The following FCHO2 variants were observed in gnomAD, a reference collection of about 807,000 sequenced individuals.
FCHO2 encodes the protein FCH and mu domain containing endocytic adaptor 2, also known as F-BAR domain only protein 2.
FCHO2 carries 43 observed loss-of-function variants against 114.1 expected under a neutral mutation model. The ratio of observed to expected loss-of-function variants is 0.38; its 90% CI spans 0.30 to 0.49. The LOEUF is 0.49. Ranked by LOEUF, FCHO2 falls within the 20% of genes least tolerant of loss-of-function variation. The pLI is 0.97. For synonymous variants in FCHO2, 293 were observed against 315.2 expected (o/e 0.93, Z 0.75); for missense variants, 807 against 950.4 (o/e 0.85, Z 1.98).
chr5:72,968,784 A>G (rs2112604049), intron 2 of FCHO2, among the ~76,000 whole-genome samples, 195 bp downstream of exon 2: 1 of 152,300 alleles, frequency 6.6e-6, no homozygotes, highest in East Asian at 1.9e-4. Flanking sequence ...AAGTGGCTCA[A>G]AGTTTAATAC....
intron 8 of FCHO2, chr5:73,020,719 A>G: frequency 8.3e-7 from 1 of 1,201,658 alleles, no homozygotes. Flanking sequence ...TTGGATGCTC[A>G]TTTTCTGTTC....
At chr5:73,028,667 T>TG in intron 8 of FCHO2, among the ~76,000 whole-genome samples, 1 of 129,382 alleles carries the variant, frequency 7.7e-6, no homozygotes, top group African/African-American at 3.0e-5. Flanking sequence ...TTTTTTTTTT[T>TG]GTGACAAGAG....
At chr5:73,075,005 GGTA>G (rs1312757658) in intron 20 of FCHO2, among the ~76,000 whole-genome samples, 152 bp downstream of exon 20, 5 of 152,022 alleles carry the variant, frequency 3.3e-5, no homozygotes, top group African/African-American at 1.2e-4. Flanking sequence ...TGCTATCTAA[GGTA>G]GTCATTTGAT....
intron 6 of FCHO2, among the ~76,000 whole-genome samples, chr5:73,007,992 GA>G (rs1393249659): frequency 6.6e-6 from 1 of 152,156 alleles, no homozygotes; most frequent in African/African-American, 2.4e-5. Flanking sequence ...TGAAGGCCCA[GA>G]GGGTATAAAA....
Position 73,038,733 on chromosome 5 carries a change from A to T in FCHO2, c.914+1518A>T, listed in dbSNP as rs142862845. On this transcript the variant is annotated intron_variant, in intron 10 of 25. Transcript: ENST00000430046. ...ATCAAGACCAATTGCAAAGTCATCT[A>T]TATCTATAGTTATCAAATCTTCTGC... is the stretch of plus-strand genomic sequence containing the variant. 1.3e-5 allele frequency among the ~76,000 whole-genome samples: 2 copies of T among 152,190 alleles called. 1 individual carries two copies. Among genetic ancestry groups the T allele is most frequent in the South Asian group, 4.1e-4 (2 of 4,836 alleles).
intron 10 of FCHO2, among the ~76,000 whole-genome samples, chr5:73,040,978 G>A: frequency 6.6e-6 from 1 of 151,948 alleles, no homozygotes; most frequent in Non-Finnish European, 1.5e-5. Context: ...GTATATTCAT[G>A]GAAAAGAATT....
At chr5:72,980,192 T>C (rs1041812258) in intron 2 of FCHO2, among the ~76,000 whole-genome samples, 6 of 152,206 alleles carry the variant, frequency 3.9e-5, no homozygotes, top group Non-Finnish European at 8.8e-5. Context: ...TCTGCCTTCA[T>C]TTCGTTATGT....
chr5:72,977,285 C>A (rs1752941631), intron 2 of FCHO2, among the ~76,000 whole-genome samples: 1 of 152,170 alleles, frequency 6.6e-6, no homozygotes, highest in Admixed American at 6.5e-5. Context: ...TCTCCAGCAT[C>A]TGTTGTTTCC....
intron 5 of FCHO2, among the ~76,000 whole-genome samples, chr5:72,999,531 C>T (rs145945848): frequency 0.015 from 2,225 of 151,958 alleles, 47 homozygotes; most frequent in South Asian, 0.056. Context: ...TACAGGCATG[C>T]GTCACCACGC....
chr5:72,959,246 C>G (rs975816456), intron 1 of FCHO2, among the ~76,000 whole-genome samples: 2 of 152,148 alleles, frequency 1.3e-5, no homozygotes, highest in African/African-American at 2.4e-5. Flanking sequence ...GTGGTTCACT[C>G]CTGTAATCCC....
intron 2 of FCHO2, among the ~76,000 whole-genome samples, chr5:72,969,327 A>C (rs572571098): frequency 1.3e-5 from 2 of 152,230 alleles, no homozygotes; most frequent in African/African-American, 2.4e-5. Flanking sequence ...TTATGGGAAT[A>C]TAGTGGTTAA....
chr5:73,001,787 A>C (rs1754457916), intron 5 of FCHO2, among the ~76,000 whole-genome samples: 3 of 152,016 alleles, frequency 2.0e-5, no homozygotes, highest in Admixed American at 2.0e-4. Context: ...AAAAGAAAAA[A>C]AATTAGCCAG....
chr5:72,990,169 TAGAA>T (rs1441861133), intron 3 of FCHO2, among the ~76,000 whole-genome samples: 23 of 152,110 alleles, frequency 1.5e-4, no homozygotes, highest in Non-Finnish European at 2.4e-4. Flanking sequence ...TAGACAGTGA[TAGAA>T]AGGCTTCTGA....
intron 1 of FCHO2, among the ~76,000 whole-genome samples, chr5:72,967,413 T>C (rs1442048458): frequency 6.6e-6 from 1 of 152,244 alleles, no homozygotes; most frequent in Non-Finnish European, 1.5e-5. Flanking sequence ...TATTTTGTGA[T>C]ACTCAATGCT....
chr5:73,060,366 A>G (rs1453938943), intron 17 of FCHO2, among the ~76,000 whole-genome samples: 1 of 152,090 alleles, frequency 6.6e-6, no homozygotes, highest in East Asian at 1.9e-4. Context: ...CTTGTTATAT[A>G]GTAGTTACTA....
chr5:73,077,549 G>T lies in FCHO2; in HGVS notation c.1847+56G>T. On this transcript the variant is annotated intron_variant, in intron 21 of 25. Coordinates refer to ENST00000430046, the MANE Select transcript of FCHO2 (RefSeq NM_138782.3). ...ATTTCGTTTTAAGATTTTCTTTCCT[G>T]CTGTGCACAGTGGCTCACGCCTGTA... 6 of 1,521,904 alleles carry T rather than the reference G, an allele frequency of 3.9e-6. No individual in the cohort carries two copies. The South Asian group carries it at 7.6e-5, about 19-fold the overall frequency. The allele number at this position is 1,521,904 out of a possible 1,614,324, so 94.3% of individuals were successfully genotyped here. A position where few individuals can be genotyped will look rare whatever the true frequency, so the allele number is the denominator to read the frequency against.
chr5:72,967,144 G>C (rs531613527), intron 1 of FCHO2, among the ~76,000 whole-genome samples: 1 of 152,306 alleles, frequency 6.6e-6, no homozygotes, highest in African/African-American at 2.4e-5. Context: ...AAATTAGCCA[G>C]ATGTGGTGGT....
chr5:72,974,603 A>C (rs1205585512), intron 2 of FCHO2, among the ~76,000 whole-genome samples: 2 of 151,552 alleles, frequency 1.3e-5, no homozygotes, highest in Non-Finnish European at 2.9e-5. Flanking sequence ...GTGTCTCTGC[A>C]TGTGAGATGG....
intron 1 of FCHO2, among the ~76,000 whole-genome samples, chr5:72,962,635 C>G (rs1047930067): frequency 6.6e-5 from 10 of 152,126 alleles, no homozygotes; most frequent in Non-Finnish European, 1.5e-4. Context: ...TGGCTCACGC[C>G]TGTAATCCCA....
Sources: gnomAD v4.1 joint callset for allele counts (sites outside exome capture counted in the v4.1 genomes callset) on GRCh38, gnomAD v4.1.1 for gene constraint, MANE v1.5 for transcripts, NCBI Gene and HGNC (gene_info 2026-07-23, HGNC 2026-07-21) for gene names.